The following VPS13D variants were observed in gnomAD, a reference collection of about 807,000 sequenced individuals.
VPS13D encodes intermembrane lipid transfer protein VPS13D.
A neutral mutation model predicts 461.9 loss-of-function variants in VPS13D; 187 were observed. The ratio of observed to expected loss-of-function variants is 0.40; its 90% CI spans 0.36 to 0.46. VPS13D has a LOEUF of 0.46. Ranked by LOEUF, VPS13D falls within the 20% of genes least tolerant of loss-of-function variation. The probability of loss-of-function intolerance (pLI) is 0.60; values close to 1 mark genes in which losing one functional copy is unlikely to be tolerated. For synonymous variants in VPS13D, 1,951 were observed against 1,986.3 expected (o/e 0.98, Z 0.47); for missense variants, 4,711 against 5,364.9 (o/e 0.88, Z 3.81).
intron 21 of VPS13D, among the ~76,000 whole-genome samples, chr1:12,285,407 C>T (rs991795659): frequency 4.6e-5 from 7 of 151,602 alleles, no homozygotes; most frequent in Admixed American, 3.9e-4. Flanking sequence ...TCTCCTGCCT[C>T]AGTCTCCTGA....
At chr1:12,266,275 A>G (rs918648279) in intron 13 of VPS13D, among the ~76,000 whole-genome samples, 1 of 152,248 alleles carries the variant, frequency 6.6e-6, no homozygotes, top group Non-Finnish European at 1.5e-5. Flanking sequence ...TTTGAAAGAA[A>G]TTCTACTGTG....
intron 6 of VPS13D, among the ~76,000 whole-genome samples, chr1:12,250,816 A>G (rs1640713135): frequency 6.6e-6 from 1 of 152,272 alleles, no homozygotes; most frequent in African/African-American, 2.4e-5. Flanking sequence ...CTGGTTCCCC[A>G]TCTGTTTTTG....
intron 65 of VPS13D, among the ~76,000 whole-genome samples, chr1:12,428,025 T>G (rs1644943737): frequency 6.6e-6 from 1 of 152,254 alleles, no homozygotes; most frequent in African/African-American, 2.4e-5. Context: ...ATGACAAGAA[T>G]AATTCTTGTA....
chr1:12,358,410 A>G, intron 49 of VPS13D, 49 bp from the exon 50 acceptor site: 1 of 1,605,958 alleles, frequency 6.2e-7, no homozygotes. Flanking sequence ...CAGGCAGATA[A>G]GACTTTCTTG....
chr1:12,238,464 A>G (rs1217384172), intron 2 of VPS13D, among the ~76,000 whole-genome samples: 1 of 151,884 alleles, frequency 6.6e-6, no homozygotes, highest in Non-Finnish European at 1.5e-5. Flanking sequence ...TAATAAAATT[A>G]CAAAAAAATT....
At position 12,261,134 on chromosome 1, in the gene VPS13D, C is replaced by G; in HGVS notation, c.1399C>G (p.Pro467Ala). ...AGCAGAGCAACAGGAGCAGTGGATT[C>G]CTGAAGAGATCCTGGGTACGGTGGG... ...LSAEQQEQWIPEEILGTEEFF... is the reference protein window; with the variant it reads ...LSAEQQEQWIAEEILGTEEFF... Residue 467 changes from proline to alanine, a missense_variant, in exon 12 of 70, where the codon CCT (proline) becomes GCT (alanine). Physicochemically the swap from Pro to Ala is conservative, Grantham distance 27. Coordinates refer to ENST00000620676, the MANE Select transcript of VPS13D (RefSeq NM_015378.4). 6.2e-7 allele frequency: 1 copy of G among 1,614,112 alleles called. No individual in the cohort carries two copies. The highest frequency in any genetic ancestry group is 8.5e-7 in the Non-Finnish European group (1 of 1,180,018).
intron 67 of VPS13D, among the ~76,000 whole-genome samples, chr1:12,460,688 T>C (rs1645399176): frequency 6.6e-6 from 1 of 151,614 alleles, no homozygotes; most frequent in South Asian, 2.1e-4. Flanking sequence ...AACTATATTA[T>C]GTTATTTTTC....
At chr1:12,346,557 T>G (rs1443392734) in intron 43 of VPS13D, 48 bp from the exon 44 acceptor site, 5 of 1,588,714 alleles carry the variant, frequency 3.1e-6, no homozygotes, top group Non-Finnish European at 4.3e-6. Flanking sequence ...TTAACGTTGC[T>G]AATTATCTTA....
Position 12,277,940 on chromosome 1 carries a change from G to C in VPS13D, c.4352G>C (p.Arg1451Pro). Residue 1451 changes from arginine (R) to proline (P), a missense_variant, in exon 19 of 70, where the codon CGG becomes CCG. Around this residue, in one of 3 missense-constraint regions of VPS13D, gnomAD observed 4,411 missense variants for 4,937.8 expected, o/e 0.89. Coordinates refer to ENST00000620676, the MANE Select transcript of VPS13D (RefSeq NM_015378.4). The stretch of plus-strand genomic sequence containing the variant: ...GAAGCTGTTGGGTCTGAAGGAAGCC[G>C]GATGTTTTGCCCACCTTCCGGGTCT... ...GREAVGSEGS[R>P]MFCPPSGSGS... The C allele has an allele frequency of 6.2e-7, 1 of 1,614,170 alleles. No homozygotes were observed. The highest frequency in any genetic ancestry group is 1.1e-5 in the South Asian group (1 of 91,074).
intron 36 of VPS13D, among the ~76,000 whole-genome samples, chr1:12,328,971 G>A (rs890407701): frequency 3.3e-5 from 5 of 152,148 alleles, no homozygotes; most frequent in African/African-American, 9.7e-5. Flanking sequence ...CTGGCCTCTT[G>A]CACATTACAG....
At chr1:12,392,774 A>G (rs910844951) in intron 60 of VPS13D, among the ~76,000 whole-genome samples, 1 of 152,152 alleles carries the variant, frequency 6.6e-6, no homozygotes, top group Non-Finnish European at 1.5e-5. Context: ...AAAGGCTCCA[A>G]ACAGCATCCC....
intron 30 of VPS13D, among the ~76,000 whole-genome samples, chr1:12,315,547 C>A (rs1238895160): frequency 6.6e-6 from 1 of 152,148 alleles, no homozygotes; most frequent in Non-Finnish European, 1.5e-5. Flanking sequence ...TGACTTCTTC[C>A]TCATTTTGCA....
At chr1:12,386,103 A>G in intron 59 of VPS13D, 82 bp from the exon 60 acceptor site, 1 of 1,453,960 alleles carries the variant, frequency 6.9e-7, no homozygotes, top group African/African-American at 1.4e-5. Flanking sequence ...GGAATGTAAA[A>G]TGCTTTATTT....
intron 65 of VPS13D, among the ~76,000 whole-genome samples, chr1:12,433,136 T>G (rs1015778718): frequency 6.6e-6 from 1 of 152,200 alleles, no homozygotes; most frequent in African/African-American, 2.4e-5. Context: ...CTGGAGGTGC[T>G]GAGAGCCGGC....
chr1:12,444,861 A>G (rs1286740916), intron 65 of VPS13D, among the ~76,000 whole-genome samples: 1 of 152,186 alleles, frequency 6.6e-6, no homozygotes, highest in Non-Finnish European at 1.5e-5. Context: ...GTTCTGGCCA[A>G]TGTTATTTTT....
Position 12,460,240 on chromosome 1 carries a change from T to C in VPS13D, c.12506T>C (p.Val4169Ala), listed in dbSNP as rs1169046905. ...GGLTSVITST[V>A]EGVKTEGGVS... Reference sequence around the variant, plus strand: ...CTGACCAGTGTTATAACTTCGACAGTGGAAGGTGTGAAAACAGAAGGGGGT... The same window carrying C: ...CTGACCAGTGTTATAACTTCGACAGCGGAAGGTGTGAAAACAGAAGGGGGT... The change falls in exon 67 of 70, where the codon GTG (valine) becomes GCG (alanine). Residue 4169 changes from valine (V) to alanine (A), a missense_variant. By Grantham distance (64) the Val-to-Ala change is moderately conservative (BLOSUM62 0). Coordinates refer to ENST00000620676, the MANE Select transcript of VPS13D (RefSeq NM_015378.4). 1 of 1,610,224 alleles carries C rather than the reference T, an allele frequency of 6.2e-7. No individual in the cohort carries two copies. The highest frequency in any genetic ancestry group is 8.5e-7 in the Non-Finnish European group (1 of 1,178,242).
In VPS13D at chr1:12,299,389, G is replaced by A. The variant is rs1334329721; in HGVS notation, c.6216+5G>A. 1.9e-6 allele frequency: 3 copies of A among 1,602,704 alleles called. No homozygotes were observed. The highest frequency in any genetic ancestry group is 2.6e-6 in the Non-Finnish European group (3 of 1,176,106). ...ACCTTTTCCCTACAAGATAAGGTGA[G>A]CAATCAGTATCCATTTCCTTTTCCG... On this transcript the variant is annotated splice_donor_5th_base_variant and intron_variant, in intron 25 of 69. Coordinates refer to ENST00000620676, the MANE Select transcript of VPS13D (RefSeq NM_015378.4). The surrounding 1 kb of genome is among the most constrained non-coding windows in gnomAD (Gnocchi z 4.2).
At chr1:12,240,397 C>G (rs1007898045) in intron 2 of VPS13D, among the ~76,000 whole-genome samples, 1 of 151,914 alleles carries the variant, frequency 6.6e-6, no homozygotes, top group East Asian at 1.9e-4. Flanking sequence ...GAGTTCAAGA[C>G]CAGCCTGATC....
At chr1:12,362,639 G>A in intron 50 of VPS13D, 81 bp from the exon 51 acceptor site, 1 of 1,355,972 alleles carries the variant, frequency 7.4e-7, no homozygotes, top group Non-Finnish European at 1.0e-6. Context: ...CTAAGTAACT[G>A]TGAAGGTTAT....
Sources: gnomAD v4.1 joint callset for allele counts (sites outside exome capture counted in the v4.1 genomes callset) on GRCh38, gnomAD v4.1.1 for gene constraint, gnomAD v4.1.1 regional missense constraint, Gnocchi (gnomAD v3.1) non-coding constraint, MANE v1.5 for transcripts, NCBI Gene and HGNC (gene_info 2026-07-23, HGNC 2026-07-21) for gene names.